Variants in SHROOM4 observed in about 807,000 individuals in gnomAD.
SHROOM4 encodes the protein shroom family member 4.
A neutral mutation model predicts 80.3 loss-of-function variants in SHROOM4; 17 were observed. The observed-to-expected ratio is 0.21, with a 90% CI of 0.14 to 0.32. The LOEUF (loss-of-function observed/expected upper bound fraction) is 0.32, where lower values mean the gene tolerates loss of function less well. SHROOM4 is among the 10% of genes least tolerant of loss of function. The probability of loss-of-function intolerance (pLI) is 1.00; values close to 1 mark genes in which losing one functional copy is unlikely to be tolerated. For synonymous variants in SHROOM4, 400 were observed against 437.5 expected, an observed-to-expected ratio of 0.91 and a Z score of 1.07; for missense variants, 993 against 1,140.3, an observed-to-expected ratio of 0.87 and a Z score of 1.86.
chrX:50,738,950 C>T (rs1218128999), intron 1 of SHROOM4, among the ~76,000 whole-genome samples: 1 of 111,684 alleles, frequency 9.0e-6, no homozygotes, highest in Non-Finnish European at 1.9e-5. Flanking sequence ...GCTACAGTAA[C>T]CAAAACAGCG....
intron 1 of SHROOM4, among the ~76,000 whole-genome samples, chrX:50,790,031 A>G (rs180707508): frequency 8.9e-6 from 1 of 112,275 alleles, no homozygotes; most frequent in Admixed American, 9.4e-5. Flanking sequence ...ATGCAATTAT[A>G]CCACAATGGT....
At chrX:50,764,806 T>A (rs1266159280) in intron 1 of SHROOM4, among the ~76,000 whole-genome samples, 1 of 111,698 alleles carries the variant, frequency 9.0e-6, no homozygotes, top group East Asian at 2.8e-4. Context: ...GGAAACCAAC[T>A]TGTATTAGTC....
intron 1 of SHROOM4, among the ~76,000 whole-genome samples, chrX:50,758,742 T>C (rs1376685632): frequency 8.9e-6 from 1 of 111,840 alleles, no homozygotes; most frequent in Non-Finnish European, 1.9e-5. Flanking sequence ...GTATTGGTAT[T>C]AACTCTTCTT....
chrX:50,794,654 A>ACG (rs1221748540), intron 1 of SHROOM4, among the ~76,000 whole-genome samples: 2 of 106,344 alleles, frequency 1.9e-5, no homozygotes, highest in Non-Finnish European at 3.9e-5. Flanking sequence ...ACATACACAC[A>ACG]CACACACACA....
chrX:50,706,459 T>C (rs1033797657), intron 1 of SHROOM4, among the ~76,000 whole-genome samples: 1 of 112,204 alleles, frequency 8.9e-6, no homozygotes, highest in African/African-American at 3.2e-5. Flanking sequence ...CAAATATTTG[T>C]TGAAATTAGA....
chrX:50,602,706 AGTTT>A lies in SHROOM4; in HGVS notation c.3865_3868del (p.Lys1289Ter). 8.3e-7 allele frequency: 1 copy of A among 1,211,393 alleles called. No individual in the cohort carries two copies. The highest frequency in any genetic ancestry group is 1.7e-5 in the African/African-American group (1 of 57,732). On this transcript the variant is annotated frameshift_variant, in exon 7 of 9. Transcript: ENST00000376020. LOFTEE classifies it high-confidence loss of function. ...CTCTGCCATCTCAGGTTGGTCTTTC[AGTTT>A]GTTCAGCAGCTCTGCCTTGGCCACA... is the stretch of plus-strand genomic sequence containing the variant.
Position 50,634,929 on chromosome X carries a change from T to C in SHROOM4, c.1144A>G (p.Asn382Asp). ...TCTGCAGAAGCCTCATTGAGTGGGTTGGAATCCACGCTGGAAGCTCTGTCA... is the reference window on the plus strand; with the variant it reads ...TCTGCAGAAGCCTCATTGAGTGGGTCGGAATCCACGCTGGAAGCTCTGTCA... ...ACDRASSVDS[N>D]PLNEASAELA... Residue 382 changes from asparagine to aspartate, a missense_variant, in exon 4 of 9, where the codon AAC (asparagine) becomes GAC (aspartate). By Grantham distance (23) the Asn-to-Asp change is conservative (BLOSUM62 1). Transcript: ENST00000376020. 1 of 1,210,508 alleles carries C rather than the reference T, an allele frequency of 8.3e-7. No homozygotes were observed. Among genetic ancestry groups the C allele is most frequent in the South Asian group, 1.8e-5 (1 of 56,623 alleles).
chrX:50,729,990 A>G (rs1422486520), intron 1 of SHROOM4, among the ~76,000 whole-genome samples: 1 of 112,482 alleles, frequency 8.9e-6, no homozygotes, highest in Non-Finnish European at 1.9e-5. Context: ...AAGAAAATCT[A>G]AAGGAAATTC....
chrX:50,583,392 C>T (rs1557244473), downstream of SHROOM4, among the ~76,000 whole-genome samples: 4 of 111,135 alleles, frequency 3.6e-5, no homozygotes, highest in African/African-American at 1.3e-4. Context: ...CCATGTTCCT[C>T]ACCTCCTAGT....
chrX:50,578,784 G>T, the SHROOM4 span, among the ~76,000 whole-genome samples: 1 of 111,628 alleles, frequency 9.0e-6, no homozygotes, highest in Non-Finnish European at 1.9e-5. Context: ...ATATTCTGTG[G>T]CATGCACTAT....
At position 50,635,046 on chromosome X, in the gene SHROOM4, C is replaced by T. The variant is rs1277571770; in HGVS notation, c.1027G>A (p.Glu343Lys). Residue 343 changes from glutamate to lysine, a missense_variant, in exon 4 of 9, where the codon GAG becomes AAG. Coordinates refer to ENST00000376020, the MANE Select transcript of SHROOM4 (RefSeq NM_020717.5). ...QVTSEGHQNC[E>K]FSQPPESSQQ... ...CTGGATTCAGGAGGCTGACTGAACTCACAGTTCTGATGGCCCTCACTTGTC... is the reference window on the plus strand; with the variant it reads ...CTGGATTCAGGAGGCTGACTGAACTTACAGTTCTGATGGCCCTCACTTGTC... 5.0e-6 allele frequency: 6 copies of T among 1,210,765 alleles called. No individual in the cohort carries two copies. The highest frequency in any genetic ancestry group is 5.6e-6 in the Non-Finnish European group (5 of 895,395).
At chrX:50,660,830 T>G (rs1217730499) in intron 2 of SHROOM4, among the ~76,000 whole-genome samples, 4 of 109,146 alleles carry the variant, frequency 3.7e-5, no homozygotes, top group Non-Finnish European at 5.7e-5. Flanking sequence ...TTTCTCAGGC[T>G]TGTCTTGAAC....
At chrX:50,718,302 T>C (rs1934018361) in intron 1 of SHROOM4, among the ~76,000 whole-genome samples, 1 of 112,110 alleles carries the variant, frequency 8.9e-6, no homozygotes, top group Admixed American at 9.5e-5. Flanking sequence ...AGATGAATCA[T>C]GAATGCAAAA....
chrX:50,621,243 A>C (rs1205084668), intron 5 of SHROOM4, among the ~76,000 whole-genome samples: 1 of 111,848 alleles, frequency 8.9e-6, no homozygotes, highest in Non-Finnish European at 1.9e-5. Context: ...TGTCCTATAT[A>C]CTTAAAATAG....
At chrX:50,716,321 ATTC>A in intron 1 of SHROOM4, among the ~76,000 whole-genome samples, 1 of 111,507 alleles carries the variant, frequency 9.0e-6, no homozygotes, top group Non-Finnish European at 1.9e-5. Context: ...AATGTATCAT[ATTC>A]TTGAAAATCA....
rs972345230 is a variant in SHROOM4 at position 50,587,353 on chromosome X, T to C, written c.*9342A>G. Among the ~76,000 whole-genome samples, 1 of 112,163 alleles carries C rather than the reference T, an allele frequency of 8.9e-6. No homozygotes were observed. Among genetic ancestry groups the C allele is most frequent in the Non-Finnish European group, 1.9e-5 (1 of 53,190 alleles). On this transcript the variant is annotated 3_prime_UTR_variant, in exon 9 of 9. Transcript: ENST00000376020. ...ATTCCTCAAAATATTAAGAATACGA[T>C]GACCATATGATGCAGAGATTCTTCT... is the stretch of plus-strand genomic sequence containing the variant.
At chrX:50,779,090 T>C (rs1408000527) in intron 1 of SHROOM4, among the ~76,000 whole-genome samples, 1 of 112,319 alleles carries the variant, frequency 8.9e-6, no homozygotes. Flanking sequence ...CTTAGGCCAC[T>C]AATAATCATA....
intron 5 of SHROOM4, among the ~76,000 whole-genome samples, chrX:50,613,353 A>G (rs1462405372): frequency 3.6e-5 from 4 of 111,884 alleles, no homozygotes; most frequent in African/African-American, 1.3e-4. Context: ...GCCTTAAGCA[A>G]TCCACCCACT....
At chrX:50,784,693 C>T (rs782772235) in intron 1 of SHROOM4, among the ~76,000 whole-genome samples, 83 of 111,887 alleles carry the variant, frequency 7.4e-4, no homozygotes, top group Non-Finnish European at 1.3e-3. Context: ...ATCATAGTTA[C>T]ATCGGTTAAG....
Sources: allele counts gnomAD v4.1 joint callset (sites outside exome capture counted in the v4.1 genomes callset), GRCh38; gene constraint gnomAD v4.1.1; transcripts MANE v1.5; gene names NCBI Gene and HGNC (gene_info 2026-07-23, HGNC 2026-07-21).